Variants in SMAP2 observed in about 807,000 individuals in gnomAD.
The protein encoded by SMAP2 is small ArfGAP2.
A neutral mutation model predicts 56.4 loss-of-function variants in SMAP2; 25 were observed. The observed-to-expected ratio is 0.44, with a 90% CI of 0.32 to 0.62. The LOEUF (loss-of-function observed/expected upper bound fraction) is 0.62, where lower values mean the gene tolerates loss of function less well. Among genes scored for constraint, SMAP2 ranks in the 20% least tolerant of loss-of-function variants. The pLI is 0.04. For synonymous variants in SMAP2, 157 were observed against 181.7 expected (o/e 0.86, Z 1.09); for missense variants, 388 against 545.6 (o/e 0.71, Z 2.88).
chr1:40,355,202 T>G (rs1182404859), intron 1 of SMAP2, among the ~76,000 whole-genome samples: 1 of 152,184 alleles, frequency 6.6e-6, no homozygotes, highest in East Asian at 1.9e-4. Flanking sequence ...CAGAGTTCTA[T>G]TCTTGCTTTG....
upstream of SMAP2, among the ~76,000 whole-genome samples, chr1:40,372,216 A>C (rs1321030810): frequency 6.6e-6 from 1 of 152,228 alleles, no homozygotes; most frequent in African/African-American, 2.4e-5. Flanking sequence ...TGAGGAGATG[A>C]AGATGGGGAG....
In SMAP2 at chr1:40,386,287, G is replaced by A. The variant is rs1644653770; in HGVS notation, c.103+12064G>A. Reference sequence around the variant, plus strand: ...TGAAATCATTTTTACTGAAAGATTAGCTGTTTGGAACAGGGATTGACTTTG... The same window carrying A: ...TGAAATCATTTTTACTGAAAGATTAACTGTTTGGAACAGGGATTGACTTTG... On this transcript the variant is annotated intron_variant, in intron 1 of 9. Transcript: ENST00000372718. The surrounding 1 kb of genome is among the most constrained non-coding windows in gnomAD (Gnocchi z 4.1). Among the ~76,000 whole-genome samples the A allele has an allele frequency of 1.3e-5, 2 of 152,222 alleles. No individual in the cohort carries two copies. Among genetic ancestry groups the A allele is most frequent in the African/African-American group, 4.8e-5 (2 of 41,460 alleles).
At chr1:40,363,988 CAT>C (rs1220658337) in intron 2 of SMAP2, among the ~76,000 whole-genome samples, 1 of 152,176 alleles carries the variant, frequency 6.6e-6, no homozygotes, top group African/African-American at 2.4e-5. Flanking sequence ...ACACTGAGCT[CAT>C]AGTAAAACAG....
At chr1:40,420,705 A>C (rs1383179369) in intron 9 of SMAP2, among the ~76,000 whole-genome samples, 1 of 152,222 alleles carries the variant, frequency 6.6e-6, no homozygotes, top group Admixed American at 6.5e-5. Context: ...TAAGAAAGAC[A>C]TGTGTCACCT....
chr1:40,359,902 T>A (rs1261316780), intron 1 of SMAP2, among the ~76,000 whole-genome samples: 1 of 152,168 alleles, frequency 6.6e-6, no homozygotes, highest in Non-Finnish European at 1.5e-5. Flanking sequence ...GTAATTATTA[T>A]TTTTGATCAG....
chr1:40,377,807 G>C (rs1644554972), intron 1 of SMAP2, among the ~76,000 whole-genome samples: 1 of 152,118 alleles, frequency 6.6e-6, no homozygotes, highest in South Asian at 2.1e-4. Context: ...TTTTAAACTG[G>C]ACACTATCTT....
At chr1:40,364,560 T>C (rs1434234572) in intron 2 of SMAP2, among the ~76,000 whole-genome samples, 1 of 152,020 alleles carries the variant, frequency 6.6e-6, no homozygotes, top group East Asian at 1.9e-4. Flanking sequence ...CTGGGCAACA[T>C]GGTGAAACCC....
intron 1 of SMAP2, among the ~76,000 whole-genome samples, chr1:40,402,544 G>A: frequency 6.6e-6 from 1 of 151,924 alleles, no homozygotes; most frequent in East Asian, 1.9e-4. Context: ...CTGACTCCTG[G>A]ATTCAAGCAA....
At chr1:40,394,404 G>A (rs2124288106) in intron 1 of SMAP2, among the ~76,000 whole-genome samples, 1 of 152,206 alleles carries the variant, frequency 6.6e-6, no homozygotes, top group East Asian at 1.9e-4. Flanking sequence ...AAAGGAAGAG[G>A]TGGACCTGTT....
intron 1 of SMAP2, among the ~76,000 whole-genome samples, chr1:40,402,301 G>T (rs918214671): frequency 6.6e-6 from 1 of 151,924 alleles, no homozygotes; most frequent in Admixed American, 6.6e-5. Flanking sequence ...TGCTATATCC[G>T]TCACCTTAGA....
chr1:40,388,385 G>C (rs534203459), intron 1 of SMAP2, among the ~76,000 whole-genome samples: 1 of 152,334 alleles, frequency 6.6e-6, no homozygotes, highest in East Asian at 1.9e-4. Flanking sequence ...TCGGCACTCT[G>C]TATCTAGCTC....
At chr1:40,345,286 C>A (rs1190297935) in intron 1 of SMAP2, among the ~76,000 whole-genome samples, 1 of 151,908 alleles carries the variant, frequency 6.6e-6, no homozygotes, top group Non-Finnish European at 1.5e-5. Context: ...CACCTGTAGT[C>A]CTAGCTACTC....
At chr1:40,419,017 G>C (rs529219070) in intron 9 of SMAP2, among the ~76,000 whole-genome samples, 3 of 152,180 alleles carry the variant, frequency 2.0e-5, no homozygotes, top group African/African-American at 7.2e-5. Flanking sequence ...AAACAAAGGT[G>C]GTGACAAGCG....
intron 1 of SMAP2, among the ~76,000 whole-genome samples, chr1:40,358,601 T>C (rs937077832): frequency 6.6e-6 from 1 of 152,070 alleles, no homozygotes; most frequent in Non-Finnish European, 1.5e-5. Context: ...CATGAGCCAC[T>C]GCACCTGGTC....
chr1:40,417,068 C>T lies in SMAP2; in HGVS notation c.1136C>T (p.Ala379Val), dbSNP rs1283260918. Residue 379 changes from alanine to valine, a missense_variant, in exon 9 of 10, where the codon GCT (alanine) becomes GTT (valine). Ala to Val is a moderately conservative substitution (Grantham distance 64). Coordinates refer to ENST00000372718, the MANE Select transcript of SMAP2 (RefSeq NM_022733.3). ...MPQTVYGVQPAQQLQWNLTQM... is the reference protein window; with the variant it reads ...MPQTVYGVQPVQQLQWNLTQM... ...CAGACTGTGTATGGGGTCCAGCCAG[C>T]TCAGCAGCTGCAATGGAACCTTACT... 10 of 1,604,292 alleles carry T rather than the reference C, an allele frequency of 6.2e-6. No homozygotes were observed. The highest frequency in any genetic ancestry group is 8.5e-6 in the Non-Finnish European group (10 of 1,171,768).
intron 9 of SMAP2, 132 bp downstream of exon 9, chr1:40,417,228 CTTTTTT>C: frequency 2.7e-4 from 116 of 427,500 alleles, no homozygotes; most frequent in Non-Finnish European, 3.1e-4. Context: ...GTTAGGTTTG[CTTTTTT>C]TTTTTTTTTT....
Position 40,374,129 on chromosome 1 carries a change from C to T in SMAP2, c.9C>T (p.Gly3=). The change falls in exon 1 of 10, where the codon GGC becomes GGT. Residue 3 remains glycine, a synonymous_variant. Coordinates refer to ENST00000372718, the MANE Select transcript of SMAP2 (RefSeq NM_022733.3). The surrounding 1 kb of genome is among the most constrained non-coding windows in gnomAD (Gnocchi z 5.9). Reference sequence around the variant, plus strand: ...CCGCCGGCACCCTGGCCATGACAGGCAAGTCGGTGAAGGACGTGGATCGGT... The same window carrying T: ...CCGCCGGCACCCTGGCCATGACAGGTAAGTCGGTGAAGGACGTGGATCGGT... MT[G]KSVKDVDRYQ... is the part of the protein sequence containing the mutation. 1.9e-6 allele frequency: 3 copies of T among 1,612,674 alleles called. No individual in the cohort carries two copies. Among genetic ancestry groups the T allele is most frequent in the Non-Finnish European group, 2.5e-6 (3 of 1,179,374 alleles).
At chr1:40,376,099 C>T (rs209575) in intron 1 of SMAP2, among the ~76,000 whole-genome samples, 54,765 of 151,716 alleles carry the variant, frequency 0.36, 10,448 homozygotes, top group Non-Finnish European at 0.43. Context: ...TACAGGCGCC[C>T]GCCACCATGC....
Position 40,415,130 on chromosome 1 carries a change from C to T in SMAP2, c.572-142C>T. 5 of 644,436 alleles carry T rather than the reference C, an allele frequency of 7.8e-6. No individual in the cohort carries two copies. The South Asian group carries it at 1.0e-4, about 13-fold the overall frequency. The allele number at this position is 644,436 out of a possible 1,614,324, so 39.9% of individuals were successfully genotyped here. A position where few individuals can be genotyped will look rare whatever the true frequency, so the allele number is the denominator to read the frequency against. On this transcript the variant is annotated intron_variant, in intron 6 of 9. Coordinates refer to ENST00000372718, the MANE Select transcript of SMAP2 (RefSeq NM_022733.3). ...GTGGGGTGAAGCCTCTTTTGAGAAG[C>T]CCCGTCCATGCTAGATGGTTCCAGA...
Sources: allele counts gnomAD v4.1 joint callset (sites outside exome capture counted in the v4.1 genomes callset), GRCh38; gene constraint gnomAD v4.1.1; non-coding constraint Gnocchi (gnomAD v3.1); transcripts MANE v1.5; gene names NCBI Gene and HGNC (gene_info 2026-07-23, HGNC 2026-07-21).